The following CPNE4 variants were observed in gnomAD, a reference collection of about 807,000 sequenced individuals.
CPNE4 encodes copine 4, also known as copine-4.
In CPNE4, 25 loss-of-function variants were observed where a neutral mutation model predicts 67.9. The ratio of observed to expected loss-of-function variants is 0.37; its 90% CI spans 0.27 to 0.51. The LOEUF is 0.51. Ranked by LOEUF, CPNE4 falls within the 20% of genes least tolerant of loss-of-function variation. The pLI is 0.93. For missense variants in CPNE4, 464 were observed against 690.8 expected (o/e 0.67, Z 3.68); for synonymous variants, 242 against 244.9 (o/e 0.99, Z 0.11).
At chr3:131,851,485 A>G (rs7629863) in intron 2 of CPNE4, among the ~76,000 whole-genome samples, 270 of 152,194 alleles carry the variant, frequency 1.8e-3, no homozygotes, top group African/African-American at 6.1e-3. Flanking sequence ...TCATACACAC[A>G]GAAAGGTTCC....
rs2073134735 is a variant in CPNE4 at position 131,989,757 on chromosome 3, A to ATTTTACGG, written c.-2+44809_-2+44810insCCGTAAAA. ...TTTTACGGGTGGAGAAAGCATGTCC[A>ATTTTACGG]GTCCAAGATAACACCATGTCAAAAA... On this transcript the variant is annotated intron_variant, in intron 1 of 15. Transcript: ENST00000429747. Among the ~76,000 whole-genome samples, 2 of 136,722 alleles carry ATTTTACGG rather than the reference A, an allele frequency of 1.5e-5. 1 individual carries two copies. 89.7% of individuals were successfully genotyped at this position (136,722 alleles called of 152,430 possible).
intron 2 of CPNE4, among the ~76,000 whole-genome samples, chr3:131,872,179 T>TTC (rs2087241300): frequency 6.7e-6 from 1 of 149,542 alleles, no homozygotes; most frequent in Admixed American, 6.7e-5. Flanking sequence ...TGCATGTGTG[T>TTC]GCGTGTGTGT....
At chr3:131,563,194 A>G (rs551155512) in intron 11 of CPNE4, among the ~76,000 whole-genome samples, 4 of 152,038 alleles carry the variant, frequency 2.6e-5, no homozygotes, top group Non-Finnish European at 5.9e-5. Flanking sequence ...AAGAACAGAA[A>G]TCATGCTGTC....
chr3:131,838,820 AAT>A (rs1387115542), intron 2 of CPNE4, among the ~76,000 whole-genome samples: 1 of 151,604 alleles, frequency 6.6e-6, no homozygotes, highest in Non-Finnish European at 1.5e-5. Flanking sequence ...CGTATACATG[AAT>A]ATGTGTGTAT....
chr3:131,789,455 C>CT (rs1289027303), intron 2 of CPNE4, among the ~76,000 whole-genome samples: 1 of 152,180 alleles, frequency 6.6e-6, no homozygotes, highest in Non-Finnish European at 1.5e-5. Flanking sequence ...AATTTTAGCT[C>CT]TGCTACCACT....
At chr3:131,725,602 T>C (rs2081982632) in intron 2 of CPNE4, among the ~76,000 whole-genome samples, 1 of 152,190 alleles carries the variant, frequency 6.6e-6, no homozygotes, top group Non-Finnish European at 1.5e-5. Flanking sequence ...GGTACAAGAA[T>C]TTACTATATC....
intron 1 of CPNE4, among the ~76,000 whole-genome samples, chr3:131,976,123 C>G (rs183606046): frequency 1.4e-5 from 2 of 142,986 alleles, no homozygotes; most frequent in Non-Finnish European, 3.0e-5. Context: ...ATTCTTTTCT[C>G]CCTCCCTCAA....
intron 1 of CPNE4, among the ~76,000 whole-genome samples, chr3:131,972,273 G>A (rs1164961001): frequency 6.6e-6 from 1 of 152,196 alleles, no homozygotes; most frequent in East Asian, 1.9e-4. Context: ...GCAGCAACAA[G>A]TACATACTTC....
At chr3:131,880,279 C>T (rs1367099797) in intron 2 of CPNE4, among the ~76,000 whole-genome samples, 1 of 151,982 alleles carries the variant, frequency 6.6e-6, no homozygotes, top group Non-Finnish European at 1.5e-5. Flanking sequence ...CCACGCCCGG[C>T]TAATTTTTTG....
intron 7 of CPNE4, among the ~76,000 whole-genome samples, chr3:131,621,852 CA>C (rs57656411): frequency 8.5e-4 from 121 of 142,078 alleles, no homozygotes; most frequent in South Asian, 2.0e-3. Flanking sequence ...ACAAAAAATA[CA>C]AAAAAAAAAA....
intron 2 of CPNE4, among the ~76,000 whole-genome samples, chr3:131,743,635 C>T (rs1291370253): frequency 6.6e-6 from 1 of 152,010 alleles, no homozygotes; most frequent in African/African-American, 2.4e-5. Context: ...TAATTAATCA[C>T]ATCAATACAT....
intron 10 of CPNE4, among the ~76,000 whole-genome samples, chr3:131,567,608 T>C (rs1039517581): frequency 1.3e-5 from 2 of 151,982 alleles, no homozygotes; most frequent in East Asian, 3.9e-4. Context: ...TTTTCATTCC[T>C]ATCAACTCTT....
At chr3:132,015,813 C>T (rs1297168749) in intron 1 of CPNE4, among the ~76,000 whole-genome samples, 2 of 152,206 alleles carry the variant, frequency 1.3e-5, no homozygotes, top group Non-Finnish European at 2.9e-5. Context: ...GAATCTTCAA[C>T]TTCTACAGCT....
At chr3:131,995,954 C>T (rs188299955) in intron 1 of CPNE4, among the ~76,000 whole-genome samples, 6 of 152,288 alleles carry the variant, frequency 3.9e-5, no homozygotes, top group Non-Finnish European at 2.9e-5. Flanking sequence ...TAAACTCTAT[C>T]ACTATCACAT....
chr3:132,014,426 G>A (rs922702604), intron 1 of CPNE4, among the ~76,000 whole-genome samples: 2 of 152,122 alleles, frequency 1.3e-5, no homozygotes, highest in African/African-American at 4.8e-5. Flanking sequence ...CGAGGTAAGG[G>A]CTAGGGTCGC....
intron 2 of CPNE4, among the ~76,000 whole-genome samples, chr3:131,830,599 G>A (rs988370206): frequency 6.6e-6 from 1 of 152,090 alleles, no homozygotes; most frequent in Non-Finnish European, 1.5e-5. Context: ...CTTCAATGAA[G>A]CCTGCTCAGA....
At chr3:131,822,875 T>C (rs1465578008) in intron 2 of CPNE4, among the ~76,000 whole-genome samples, 1 of 152,226 alleles carries the variant, frequency 6.6e-6, no homozygotes, top group Non-Finnish European at 1.5e-5. Context: ...TCTTGCTCTG[T>C]CACCCAGGCT....
At position 131,758,750 on chromosome 3, in the gene CPNE4, G is replaced by C. The variant is rs141913470; in HGVS notation, c.181-35125C>G. ...CCCACGTATTGTGGGAGGGACCCAG[G>C]GGGAGGCAATTGAATCACGGGGGCT... On this transcript the variant is annotated intron_variant, in intron 2 of 15. Coordinates refer to ENST00000429747, the MANE Select transcript of CPNE4 (RefSeq NM_130808.3). 1.8e-4 allele frequency among the ~76,000 whole-genome samples: 28 copies of C among 152,206 alleles called. 2 individuals carry two copies. In the East Asian group the frequency reaches 5.2e-3, roughly 28 times the overall value.
intron 3 of CPNE4, among the ~76,000 whole-genome samples, chr3:131,722,215 T>A (rs892694787): frequency 6.6e-6 from 1 of 152,064 alleles, no homozygotes; most frequent in Non-Finnish European, 1.5e-5. Context: ...TCCTGACAAA[T>A]CCTTAAACCT....
Sources: gnomAD v4.1 joint callset for allele counts (sites outside exome capture counted in the v4.1 genomes callset) on GRCh38, gnomAD v4.1.1 for gene constraint, MANE v1.5 for transcripts, NCBI Gene and HGNC (gene_info 2026-07-23, HGNC 2026-07-21) for gene names.